The following PKNOX1 variants were observed in gnomAD, a reference collection of about 807,000 sequenced individuals.
The protein encoded by PKNOX1 is homeobox protein PKNOX1.
PKNOX1 carries 15 observed loss-of-function variants against 51.9 expected under a neutral mutation model. The observed-to-expected ratio is 0.29, with a 90% CI of 0.19 to 0.45. The LOEUF (loss-of-function observed/expected upper bound fraction) is 0.45, where lower values mean the gene tolerates loss of function less well. Among genes scored for constraint, PKNOX1 ranks in the 20% least tolerant of loss-of-function variants. The probability of loss-of-function intolerance (pLI) is 1.00; values close to 1 mark genes in which losing one functional copy is unlikely to be tolerated. For synonymous variants in PKNOX1, 219 were observed against 211.1 expected (o/e 1.04, Z -0.32); for missense variants, 462 against 547.5 (o/e 0.84, Z 1.56).
chr21:42,984,979 T>C (rs536889073), intron 1 of PKNOX1, among the ~76,000 whole-genome samples: 21 of 122,836 alleles, frequency 1.7e-4, no homozygotes, highest in East Asian at 6.8e-4. Flanking sequence ...CTTTTCTTTT[T>C]TTTTTTTTTT....
At chr21:42,990,030 C>T (rs778662215) in intron 1 of PKNOX1, among the ~76,000 whole-genome samples, 4 of 151,380 alleles carry the variant, frequency 2.6e-5, no homozygotes, top group Admixed American at 6.6e-5. Flanking sequence ...TGAGGGAGGT[C>T]GAGGCTGCAG....
chr21:43,017,117 A>G (rs1473347862), intron 6 of PKNOX1, 110 bp downstream of exon 6: 3 of 676,650 alleles, frequency 4.4e-6, no homozygotes, highest in African/African-American at 1.8e-5. Context: ...ATTTTCTAAT[A>G]TAGCAATGTT....
At chr21:43,001,787 C>T (rs914868803) in intron 1 of PKNOX1, among the ~76,000 whole-genome samples, 7 of 151,960 alleles carry the variant, frequency 4.6e-5, no homozygotes, top group African/African-American at 1.2e-4. Flanking sequence ...GGTGAAACCC[C>T]GTCTCTACTG....
Position 43,029,898 on chromosome 21 carries a change from G to T in PKNOX1, c.1108G>T (p.Val370Phe). 6.2e-7 allele frequency: 1 copy of T among 1,613,618 alleles called. No homozygotes were observed. The highest frequency in any genetic ancestry group is 8.5e-7 in the Non-Finnish European group (1 of 1,179,560). Residue 370 changes from valine to phenylalanine, a missense_variant, in exon 11 of 11, where the codon GTC becomes TTC. By Grantham distance (50) the Val-to-Phe change is conservative. Around this residue, in one of 5 missense-constraint regions of PKNOX1, gnomAD observed 118 missense variants for 116.8 expected, o/e 1.01. Coordinates refer to ENST00000291547, the MANE Select transcript of PKNOX1 (RefSeq NM_004571.5). Reference protein sequence around the residue: ...SELTMSEGAVVTITTPVNMNV... With the variant: ...SELTMSEGAVFTITTPVNMNV... The stretch of plus-strand genomic sequence containing the variant: ...CCTTCATCCTGCCGCAGGAGCTGTT[G>T]TCACCATCACCACGCCCGTGAACAT...
intron 9 of PKNOX1, among the ~76,000 whole-genome samples, chr21:43,027,613 C>T (rs538647504): frequency 3.3e-5 from 5 of 152,306 alleles, no homozygotes; most frequent in Admixed American, 1.3e-4. Context: ...AATGTCCAGC[C>T]TGCCTTGCCA....
At chr21:43,001,357 A>C (rs1978743264) in intron 1 of PKNOX1, among the ~76,000 whole-genome samples, 1 of 152,182 alleles carries the variant, frequency 6.6e-6, no homozygotes, top group South Asian at 2.1e-4. Context: ...TTGCTCAGTC[A>C]CAGCCTTCTC....
At chr21:43,001,984 T>TAAATAAAA (rs1343789488) in intron 1 of PKNOX1, among the ~76,000 whole-genome samples, 1 of 114,344 alleles carries the variant, frequency 8.7e-6, no homozygotes, top group East Asian at 2.5e-4. Context: ...AATAAATAAA[T>TAAATAAAA]AAAAATAAAA....
chr21:43,024,724 G>C (rs555706274), intron 8 of PKNOX1, 147 bp from the exon 9 acceptor site: 5 of 611,508 alleles, frequency 8.2e-6, no homozygotes, highest in Non-Finnish European at 1.2e-5. Flanking sequence ...CACTTTGTTC[G>C]TGAGACTACA....
intron 8 of PKNOX1, among the ~76,000 whole-genome samples, chr21:43,022,790 T>C (rs1247382029): frequency 6.6e-6 from 1 of 152,092 alleles, no homozygotes; most frequent in Non-Finnish European, 1.5e-5. Flanking sequence ...TGATGGAGTA[T>C]CATATGCATA....
chr21:43,008,061 T>TCTCACACACACACACACACACACA (rs59792199), intron 3 of PKNOX1, among the ~76,000 whole-genome samples: 1 of 146,776 alleles, frequency 6.8e-6, no homozygotes, highest in African/African-American at 2.6e-5. Context: ...CAAAACTCTG[T>TCTCACACACACACACACACACACA]CACACACACA....
rs1340517267 is a variant in PKNOX1 at position 43,029,991 on chromosome 21, G to T, written c.1201G>T (p.Ala401Ser). 3 of 1,613,974 alleles carry T rather than the reference G, an allele frequency of 1.9e-6. No homozygotes were observed. Among genetic ancestry groups the T allele is most frequent in the Non-Finnish European group, 2.5e-6 (3 of 1,180,050 alleles). ...ATLAVQQVMM[A>S]GQSEDESVDS... The stretch of plus-strand genomic sequence containing the variant: ...CCTGGCGGTGCAGCAGGTCATGATG[G>T]CAGGGCAGAGCGAGGACGAGTCTGT... The change falls in exon 11 of 11, where the codon GCA becomes TCA. Residue 401 changes from alanine to serine, a missense_variant. Ala to Ser is a moderately conservative substitution (Grantham distance 99, BLOSUM62 1). This residue lies in a region of PKNOX1 where 118 missense variants were observed against 116.8 expected (regional missense o/e 1.01). Coordinates refer to ENST00000291547, the MANE Select transcript of PKNOX1 (RefSeq NM_004571.5).
intron 1 of PKNOX1, among the ~76,000 whole-genome samples, chr21:42,979,979 C>T (rs1017880749): frequency 6.6e-6 from 1 of 152,190 alleles, no homozygotes; most frequent in African/African-American, 2.4e-5. Flanking sequence ...ATCTAAGTGC[C>T]AGCAGGTTCT....
rs1307168381 is a variant in PKNOX1 at position 42,978,242 on chromosome 21, T to G, written c.-57+3578T>G. Among the ~76,000 whole-genome samples the G allele has an allele frequency of 3.3e-5, 5 of 152,240 alleles. No individual in the cohort carries two copies. The East Asian group carries it at 9.7e-4, about 29-fold the overall frequency. ...CTGGTCTCGAACTCCTGACCTCAAGTGATCCGCCCGCCTTGGCCTCCCAAA... is the reference window on the plus strand; with the variant it reads ...CTGGTCTCGAACTCCTGACCTCAAGGGATCCGCCCGCCTTGGCCTCCCAAA... On this transcript the variant is annotated intron_variant, in intron 1 of 10. Transcript: ENST00000291547.
At chr21:43,025,992 A>G (rs1979970195) in intron 9 of PKNOX1, among the ~76,000 whole-genome samples, 1 of 152,216 alleles carries the variant, frequency 6.6e-6, no homozygotes, top group African/African-American at 2.4e-5. Context: ...ATTAACAAAA[A>G]TTTAAAGATT....
At position 43,026,065 on chromosome 21, in the gene PKNOX1, A is replaced by G. The variant is rs181462545; in HGVS notation, c.926+1118A>G. Among the ~76,000 whole-genome samples, 286 of 152,278 alleles carry G rather than the reference A, an allele frequency of 1.9e-3. 3 individuals carry two copies. The highest frequency in any genetic ancestry group is 6.5e-3 in the African/African-American group (269 of 41,568). ...CTCATGTGCTTGTTTTCCTGGAGCT[A>G]TGTGGAAACCACATACTTTGGTTGG... is the stretch of plus-strand genomic sequence containing the variant. On this transcript the variant is annotated intron_variant, in intron 9 of 10. Transcript: ENST00000291547.
chr21:43,029,411 A>G (rs1048136217), intron 10 of PKNOX1, among the ~76,000 whole-genome samples: 1 of 86,450 alleles, frequency 1.2e-5, no homozygotes, highest in African/African-American at 4.3e-5. Context: ...ATTTTTTTTT[A>G]TTTGTTTGCT....
chr21:42,995,344 G>A (rs1978453139), intron 1 of PKNOX1, among the ~76,000 whole-genome samples: 1 of 152,114 alleles, frequency 6.6e-6, no homozygotes, highest in South Asian at 2.1e-4. Context: ...CCAGTAGAGT[G>A]TATCCTTTTC....
At chr21:43,026,681 C>G (rs547046843) in intron 9 of PKNOX1, among the ~76,000 whole-genome samples, 2 of 152,230 alleles carry the variant, frequency 1.3e-5, no homozygotes, top group Admixed American at 1.3e-4. Context: ...GGCTTGAACT[C>G]GGGAGGTGGA....
At chr21:42,986,045 A>G (rs1297590367) in intron 1 of PKNOX1, among the ~76,000 whole-genome samples, 1 of 151,966 alleles carries the variant, frequency 6.6e-6, no homozygotes, top group Non-Finnish European at 1.5e-5. Flanking sequence ...AAACCATTAA[A>G]ATGTAAAATA....
Sources: gnomAD v4.1 joint callset for allele counts (sites outside exome capture counted in the v4.1 genomes callset) on GRCh38, gnomAD v4.1.1 for gene constraint, gnomAD v4.1.1 regional missense constraint, MANE v1.5 for transcripts, NCBI Gene and HGNC (gene_info 2026-07-23, HGNC 2026-07-21) for gene names.